PLCZ1: variants seen among roughly 807,000 people sequenced by gnomAD.
The protein encoded by PLCZ1 is 1-phosphatidylinositol 4,5-bisphosphate phosphodiesterase zeta-1.
In PLCZ1, 64 loss-of-function variants were observed where a neutral mutation model predicts 76.8. That is an observed-to-expected ratio of 0.83 (90% confidence interval 0.68 to 1.03). PLCZ1 has a LOEUF of 1.03. Among genes scored for constraint, PLCZ1 ranks in the 50% least tolerant of loss-of-function variants. The pLI is 0.00. For synonymous variants in PLCZ1, 248 were observed against 230.8 expected (o/e 1.07, Z -0.68); for missense variants, 751 against 713.7 (o/e 1.05, Z -0.60).
rs374446281 is a variant in PLCZ1 at position 18,723,351 on chromosome 12, A to G, written c.327T>C (p.Ile109=). The change falls in exon 4 of 15, where the codon ATT becomes ATC. Residue 109 remains isoleucine, a synonymous_variant. Coordinates refer to ENST00000266505, the MANE Select transcript of PLCZ1 (RefSeq NM_033123.4). ...EQYAAEMSKA[I]AFEIIQKYEP... ...CGTATTTCTGAATGATCTCAAAAGC[A>G]ATAGCTTTACTCATCTCAGCTGCAT... is the stretch of plus-strand genomic sequence containing the variant. 3.7e-6 allele frequency: 6 copies of G among 1,612,608 alleles called. No individual in the cohort carries two copies. In the African/African-American group the frequency reaches 8.0e-5, roughly 22 times the overall value.
the PLCZ1 span, among the ~76,000 whole-genome samples, chr12:18,670,998 T>C: frequency 1.3e-5 from 2 of 151,818 alleles, no homozygotes; most frequent in Non-Finnish European, 2.9e-5. Context: ...GACAACATGG[T>C]GAAACCCTGT....
At chr12:18,696,105 T>C in intron 11 of PLCZ1, 45 bp downstream of exon 11, 1 of 1,058,510 alleles carries the variant, frequency 9.4e-7, no homozygotes, top group East Asian at 2.6e-5. Flanking sequence ...AATGAATTCA[T>C]TTTATGTTAC....
intron 6 of PLCZ1, among the ~76,000 whole-genome samples, chr12:18,709,988 T>C (rs888069735): frequency 6.6e-6 from 1 of 151,946 alleles, no homozygotes; most frequent in African/African-American, 2.4e-5. Context: ...ACTACTGATT[T>C]AAATATGTCG....
chr12:18,690,387 CTAAG>C (rs1182521003), intron 12 of PLCZ1, among the ~76,000 whole-genome samples: 1 of 152,058 alleles, frequency 6.6e-6, no homozygotes, highest in Non-Finnish European at 1.5e-5. Flanking sequence ...CCATGCCCAG[CTAAG>C]TTTTTGTATG....
chr12:18,688,553 CATAT>C (rs138210697), intron 12 of PLCZ1, among the ~76,000 whole-genome samples: 2 of 146,828 alleles, frequency 1.4e-5, no homozygotes, highest in African/African-American at 2.5e-5. Context: ...TTTTTGAATT[CATAT>C]ATATATATAT....
At chr12:18,700,204 A>AT (rs978701332) in intron 9 of PLCZ1, among the ~76,000 whole-genome samples, 1 of 151,952 alleles carries the variant, frequency 6.6e-6, no homozygotes, top group African/African-American at 2.4e-5. Flanking sequence ...ATTACTATTT[A>AT]TTTTTTTCCT....
At chr12:18,707,852 C>T (rs906852151) in intron 6 of PLCZ1, among the ~76,000 whole-genome samples, 2 of 152,134 alleles carry the variant, frequency 1.3e-5, no homozygotes, top group African/African-American at 2.4e-5. Context: ...AATCTCACTT[C>T]TTGCTCTTTT....
At chr12:18,677,444 G>A in the PLCZ1 span, among the ~76,000 whole-genome samples, 1 of 152,086 alleles carries the variant, frequency 6.6e-6, no homozygotes, top group African/African-American at 2.4e-5. Flanking sequence ...GAATCACATA[G>A]AGGGCTGGTT....
At position 18,693,791 on chromosome 12, in the gene PLCZ1, C is replaced by A. The variant is rs1954516423; in HGVS notation, c.1461+1119G>T. Reference sequence around the variant, plus strand: ...CACAAACCAAATAGAAACTTTGGATCCAGCGCTTATCAGACCAGGCCGCAT... The same window carrying A: ...CACAAACCAAATAGAAACTTTGGATACAGCGCTTATCAGACCAGGCCGCAT... On this transcript the variant is annotated intron_variant, in intron 12 of 14. Transcript: ENST00000266505. The A allele has an allele frequency of 4.0e-6, 6 of 1,513,494 alleles. No homozygotes were observed. The East Asian group carries it at 1.4e-4, about 34-fold the overall frequency. 93.8% of individuals were successfully genotyped at this position (1,513,494 alleles called of 1,614,324 possible).
intron 5 of PLCZ1, among the ~76,000 whole-genome samples, chr12:18,718,743 G>A (rs1269447831): frequency 1.3e-5 from 2 of 152,142 alleles, no homozygotes; most frequent in African/African-American, 4.8e-5. Flanking sequence ...TTCCCTGTAT[G>A]ATTCATTCAT....
At chr12:18,708,471 T>C (rs765566179) in intron 6 of PLCZ1, among the ~76,000 whole-genome samples, 3 of 152,210 alleles carry the variant, frequency 2.0e-5, no homozygotes, top group Non-Finnish European at 4.4e-5. Flanking sequence ...CAGTGAACAC[T>C]GCAGCACAAA....
chr12:18,699,652 G>A lies in PLCZ1; in HGVS notation c.1174+142C>T, dbSNP rs553491251. The A allele has an allele frequency of 2.3e-5, 20 of 882,602 alleles. No homozygotes were observed. In the South Asian group the frequency reaches 2.5e-4, roughly 11 times the overall value. The allele number at this position is 882,602 out of a possible 1,614,324, so 54.7% of individuals were successfully genotyped here. ...TAAAACTTAATGAGACCTGAGGTAT[G>A]TAACCCCATTCTAAATTATGTTAAA... is the stretch of plus-strand genomic sequence containing the variant. On this transcript the variant is annotated intron_variant, in intron 10 of 14. Transcript: ENST00000266505.
intron 3 of PLCZ1, among the ~76,000 whole-genome samples, chr12:18,725,641 G>A (rs534764822): frequency 6.6e-6 from 1 of 152,130 alleles, no homozygotes; most frequent in South Asian, 2.1e-4. Context: ...TAGCATCCAA[G>A]GCCATCTAAA....
chr12:18,713,166 G>A (rs975546342), intron 5 of PLCZ1, among the ~76,000 whole-genome samples, 180 bp from the exon 6 acceptor site: 1 of 152,034 alleles, frequency 6.6e-6, no homozygotes, highest in Non-Finnish European at 1.5e-5. Context: ...CATTAAAAGG[G>A]AAGACACATA....
At chr12:18,721,159 A>G (rs1382305476) in intron 4 of PLCZ1, among the ~76,000 whole-genome samples, 1 of 152,094 alleles carries the variant, frequency 6.6e-6, no homozygotes, top group East Asian at 1.9e-4. Context: ...GAACTACTGA[A>G]TAATTAAATA....
the PLCZ1 span, among the ~76,000 whole-genome samples, chr12:18,673,457 A>G: frequency 1.3e-5 from 2 of 152,162 alleles, no homozygotes; most frequent in African/African-American, 4.8e-5. Context: ...TTCTAAAACT[A>G]TTAGGGTTTG....
At chr12:18,727,279 C>G (rs1958807144) in intron 3 of PLCZ1, among the ~76,000 whole-genome samples, 1 of 152,036 alleles carries the variant, frequency 6.6e-6, no homozygotes, top group African/African-American at 2.4e-5. Context: ...GCCCAGGAGT[C>G]CAGGGCTAGA....
intron 3 of PLCZ1, among the ~76,000 whole-genome samples, chr12:18,728,656 G>T (rs1958883703): frequency 1.3e-5 from 2 of 152,160 alleles, no homozygotes; most frequent in South Asian, 4.1e-4. Context: ...TATAAAAAGG[G>T]ATAAGTGAAA....
At chr12:18,727,027 G>C (rs74725996) in intron 3 of PLCZ1, among the ~76,000 whole-genome samples, 3,552 of 152,136 alleles carry the variant, frequency 0.023, 132 homozygotes, top group African/African-American at 0.08. Context: ...AAGAAAGTAG[G>C]CATGGAAGTA....
Sources: allele counts gnomAD v4.1 joint callset (sites outside exome capture counted in the v4.1 genomes callset), GRCh38; gene constraint gnomAD v4.1.1; transcripts MANE v1.5; gene names NCBI Gene and HGNC (gene_info 2026-07-23, HGNC 2026-07-21).